Variants in GPC5 observed in about 807,000 individuals in gnomAD.
The protein encoded by GPC5 is glypican-5.
GPC5 carries 47 observed loss-of-function variants against 53.9 expected under a neutral mutation model. The observed-to-expected ratio is 0.87, with a 90% CI of 0.69 to 1.11. The LOEUF is 1.11. GPC5 is among the 50% of genes most tolerant of loss of function. The pLI, the probability that GPC5 is intolerant of heterozygous loss-of-function variation, is 0.00. For synonymous variants in GPC5, 286 were observed against 263.3 expected (o/e 1.09, Z -0.84); for missense variants, 748 against 713.1 (o/e 1.05, Z -0.56).
At chr13:91,852,731 A>T (rs1361284935) in intron 5 of GPC5, among the ~76,000 whole-genome samples, 1 of 152,150 alleles carries the variant, frequency 6.6e-6, no homozygotes, top group Non-Finnish European at 1.5e-5. Context: ...ATGATACTGC[A>T]GCTAGGACCT....
At chr13:91,411,943 G>C (rs1010071038) in intron 1 of GPC5, among the ~76,000 whole-genome samples, 1 of 152,170 alleles carries the variant, frequency 6.6e-6, no homozygotes, top group Non-Finnish European at 1.5e-5. Flanking sequence ...AGAAGTTCTA[G>C]TCAATAATTT....
intron 7 of GPC5, among the ~76,000 whole-genome samples, chr13:92,599,346 G>C (rs997273347): frequency 1.4e-4 from 22 of 152,154 alleles, no homozygotes; most frequent in African/African-American, 5.1e-4. Flanking sequence ...ACTTGGCAGG[G>C]ATTCGCTAGA....
At chr13:92,126,826 G>GTT in intron 6 of GPC5, among the ~76,000 whole-genome samples, 1 of 151,006 alleles carries the variant, frequency 6.6e-6, no homozygotes, top group East Asian at 1.9e-4. Flanking sequence ...GAGTGTGTGT[G>GTT]TGTGTGTGTA....
chr13:91,602,428 T>C (rs1320608840), intron 2 of GPC5, among the ~76,000 whole-genome samples: 1 of 152,230 alleles, frequency 6.6e-6, no homozygotes, highest in Non-Finnish European at 1.5e-5. Flanking sequence ...TGGAATTTAA[T>C]TAACTTCAAA....
At chr13:91,892,945 G>T (rs1314651150) in intron 5 of GPC5, among the ~76,000 whole-genome samples, 1 of 151,796 alleles carries the variant, frequency 6.6e-6, no homozygotes, top group East Asian at 1.9e-4. Flanking sequence ...TGAAAACTAA[G>T]ATATTAGATA....
chr13:91,517,639 C>A (rs986879894), intron 2 of GPC5, among the ~76,000 whole-genome samples: 1 of 152,134 alleles, frequency 6.6e-6, no homozygotes, highest in African/African-American at 2.4e-5. Flanking sequence ...TTTCCAGTAT[C>A]TTTTCAACAA....
intron 6 of GPC5, among the ~76,000 whole-genome samples, chr13:92,019,205 C>A (rs2040735230): frequency 6.6e-6 from 1 of 151,866 alleles, no homozygotes; most frequent in Admixed American, 6.6e-5. Flanking sequence ...CACATACTCT[C>A]TCTCTATATA....
chr13:92,763,714 A>C (rs1168748682), intron 7 of GPC5, among the ~76,000 whole-genome samples: 3 of 152,116 alleles, frequency 2.0e-5, no homozygotes, highest in African/African-American at 7.2e-5. Flanking sequence ...CCAAAAAGCC[A>C]AGGACGGTGA....
At chr13:92,702,285 G>T (rs536338570) in intron 7 of GPC5, among the ~76,000 whole-genome samples, 1 of 152,218 alleles carries the variant, frequency 6.6e-6, no homozygotes, top group East Asian at 1.9e-4. Flanking sequence ...GCATGCTGAT[G>T]ATATAGCTCT....
At chr13:92,176,802 C>T (rs2042112040) in intron 7 of GPC5, among the ~76,000 whole-genome samples, 1 of 152,148 alleles carries the variant, frequency 6.6e-6, no homozygotes, top group Non-Finnish European at 1.5e-5. Flanking sequence ...CACTACCAGG[C>T]ACCACTTTAC....
intron 7 of GPC5, among the ~76,000 whole-genome samples, chr13:92,788,365 T>C (rs762316265): frequency 2.6e-5 from 4 of 152,164 alleles, no homozygotes; most frequent in East Asian, 1.9e-4. Flanking sequence ...AAAGCATATA[T>C]TGAATCTTAA....
chr13:92,157,813 A>G (rs1354743459), intron 7 of GPC5, among the ~76,000 whole-genome samples: 1 of 152,152 alleles, frequency 6.6e-6, no homozygotes, highest in Non-Finnish European at 1.5e-5. Flanking sequence ...CTATCTCATT[A>G]TATACCTAAC....
rs548909942 is a variant in GPC5 at position 92,212,771 on chromosome 13, G to A, written c.1561+67782G>A. ...GCAGTGACCCTAGTTCTTCCATTAG[G>A]ACCTTGCTTTGGTCCGGTACCTAAA... On this transcript the variant is annotated intron_variant, in intron 7 of 7. Coordinates refer to ENST00000377067, the MANE Select transcript of GPC5 (RefSeq NM_004466.6). Among the ~76,000 whole-genome samples the A allele has an allele frequency of 2.6e-5, 4 of 152,264 alleles. No homozygotes were observed. The East Asian group carries it at 7.7e-4, about 29-fold the overall frequency.
chr13:92,335,980 C>T (rs995435007), intron 7 of GPC5, among the ~76,000 whole-genome samples: 8 of 152,168 alleles, frequency 5.3e-5, no homozygotes, highest in African/African-American at 1.9e-4. Flanking sequence ...CAAACTGTTC[C>T]AACTTCTTCC....
chr13:92,177,890 G>T (rs1039599210), intron 7 of GPC5, among the ~76,000 whole-genome samples: 6 of 152,168 alleles, frequency 3.9e-5, no homozygotes, highest in African/African-American at 1.4e-4. Flanking sequence ...TTCAGTTCAG[G>T]CATTATATAT....
chr13:92,606,690 C>A (rs377211510), intron 7 of GPC5, among the ~76,000 whole-genome samples: 1 of 152,152 alleles, frequency 6.6e-6, no homozygotes. Flanking sequence ...CCACATCCTA[C>A]ATATTTAATA....
chr13:92,013,986 T>C (rs1002829612), intron 6 of GPC5, among the ~76,000 whole-genome samples: 2 of 152,170 alleles, frequency 1.3e-5, no homozygotes, highest in Non-Finnish European at 2.9e-5. Flanking sequence ...TGAAATCATG[T>C]TTCTGTAATA....
chr13:92,055,488 CTTTG>C (rs986610153), intron 6 of GPC5, among the ~76,000 whole-genome samples: 6 of 152,132 alleles, frequency 3.9e-5, no homozygotes, highest in African/African-American at 1.2e-4. Flanking sequence ...CCATGTTTTG[CTTTG>C]TTTGGTAACA....
intron 7 of GPC5, among the ~76,000 whole-genome samples, chr13:92,411,265 A>G (rs544382914): frequency 2.0e-5 from 3 of 152,052 alleles, no homozygotes; most frequent in Non-Finnish European, 4.4e-5. Flanking sequence ...GCGAGACTCT[A>G]TCTCAAAAAG....
Sources: allele counts gnomAD v4.1 joint callset (sites outside exome capture counted in the v4.1 genomes callset), GRCh38; gene constraint gnomAD v4.1.1; transcripts MANE v1.5; gene names NCBI Gene and HGNC (gene_info 2026-07-23, HGNC 2026-07-21).